Variants in ST14 observed in about 807,000 individuals in gnomAD.
ST14 encodes the protein suppressor of tumorigenicity 14 protein.
ST14 carries 40 observed loss-of-function variants against 96.5 expected under a neutral mutation model. That is an observed-to-expected ratio of 0.41 (90% CI 0.32 to 0.54). The LOEUF is 0.54. Among genes scored for constraint, ST14 ranks in the 20% least tolerant of loss-of-function variants. The pLI is 0.17. For missense variants in ST14, 1,066 were observed against 1,188.9 expected, an observed-to-expected ratio of 0.90 and a Z score of 1.52; for synonymous variants, 506 against 492.1, an observed-to-expected ratio of 1.03 and a Z score of -0.37.
At position 130,181,597 on chromosome 11, in the gene ST14, A is replaced by G. The variant is rs536095933; in HGVS notation, c.82-6517A>G. ...CCCAGTAGAGAGGTGTTATGCCTAC[A>G]GTTGTCTAAGTGTCTAAGTGGATGG... On this transcript the variant is annotated intron_variant, in intron 1 of 18. Transcript: ENST00000278742. This position sits in a 1 kb window ranked among gnomAD's most constrained non-coding sequence, Gnocchi z 4.1. 1.3e-5 allele frequency among the ~76,000 whole-genome samples: 2 copies of G among 152,322 alleles called. No homozygotes were observed. The highest frequency in any genetic ancestry group is 4.8e-5 in the African/African-American group (2 of 41,568).
intron 7 of ST14, 39 bp from the exon 8 acceptor site, chr11:130,194,110 C>G (rs1460263977): frequency 1.9e-6 from 3 of 1,614,054 alleles, no homozygotes; most frequent in Non-Finnish European, 2.5e-6. Flanking sequence ...AGCTTGGGTT[C>G]TGTCTGCTCT....
At chr11:130,190,378 A>C (rs1953284380) in intron 6 of ST14, 76 bp from the exon 7 acceptor site, 2 of 1,593,310 alleles carry the variant, frequency 1.3e-6, no homozygotes, top group African/African-American at 1.3e-5. Context: ...GTCCACACCC[A>C]CGGGGTCTCA....
chr11:130,200,216 C>A (rs117266705), intron 16 of ST14, 79 bp downstream of exon 16: 26 of 1,546,448 alleles, frequency 1.7e-5, no homozygotes, highest in Admixed American at 1.3e-4. Flanking sequence ...AGGTTGGCAC[C>A]GAGGCAGGGC....
At chr11:130,168,909 C>T (rs1953064106) in intron 1 of ST14, among the ~76,000 whole-genome samples, 1 of 151,990 alleles carries the variant, frequency 6.6e-6, no homozygotes, top group South Asian at 2.1e-4. Context: ...TTCTGCAGAT[C>T]CCTGGGTCCA....
intron 1 of ST14, among the ~76,000 whole-genome samples, chr11:130,160,791 G>T (rs536693272): frequency 1.3e-5 from 2 of 152,306 alleles, no homozygotes; most frequent in African/African-American, 4.8e-5. Flanking sequence ...GGGATGGGTC[G>T]CTAGTCACTT....
chr11:130,201,342 T>C (rs1159929077), intron 16 of ST14, among the ~76,000 whole-genome samples: 2 of 152,246 alleles, frequency 1.3e-5, no homozygotes, highest in Non-Finnish European at 2.9e-5. Flanking sequence ...GGGGATGCGC[T>C]TTCTGCTGGC....
intron 16 of ST14, among the ~76,000 whole-genome samples, chr11:130,206,648 A>G (rs1953492870): frequency 6.7e-6 from 1 of 150,224 alleles, no homozygotes; most frequent in Non-Finnish European, 1.5e-5. Context: ...GCTCACTGCA[A>G]CCTCTGCCTC....
chr11:130,170,855 T>C (rs75405909), intron 1 of ST14, among the ~76,000 whole-genome samples: 2 of 146,856 alleles, frequency 1.4e-5, no homozygotes, highest in East Asian at 3.9e-4. Flanking sequence ...AGAGTGTTCC[T>C]TTTTTTTTTG....
Position 130,188,290 on chromosome 11 carries a change from C to T in ST14, c.241+17C>T. ...ATTTGCAGTGTGAGTAAAGCTGGGG[C>T]TGGCTCCGGGGAGGACGACAAGGGG... On this transcript the variant is annotated intron_variant, in intron 2 of 18. Transcript: ENST00000278742. The surrounding 1 kb of genome is among the most constrained non-coding windows in gnomAD (Gnocchi z 5.4). The T allele has an allele frequency of 6.2e-7, 1 of 1,609,194 alleles. No homozygotes were observed. Among genetic ancestry groups the T allele is most frequent in the South Asian group, 1.1e-5 (1 of 90,534 alleles).
Position 130,194,291 on chromosome 11 carries a change from A to G in ST14, c.1015+3A>G, listed in dbSNP as rs759654770. 5.0e-6 allele frequency: 8 copies of G among 1,614,138 alleles called. No individual in the cohort carries two copies. The highest frequency in any genetic ancestry group is 6.8e-6 in the Non-Finnish European group (8 of 1,180,024). ...CTTCCAGCTGCCTAGGATGAGCAGT[A>G]AGGAAGGGCAGGGCAGGGCGGGACT... On this transcript the variant is annotated splice_donor_region_variant and intron_variant, in intron 8 of 18. Transcript: ENST00000278742.
Position 130,190,158 on chromosome 11 carries a change from G to A in ST14, c.634+10G>A, listed in dbSNP as rs913217695. On this transcript the variant is annotated intron_variant, in intron 6 of 18. Transcript: ENST00000278742. ...CAGAGGACCCAGGACAGTAAGTATC[G>A]TGCCCGCCTCCTCTTCTGGGTGGGG... The A allele has an allele frequency of 7.4e-6, 12 of 1,614,058 alleles. No individual in the cohort carries two copies. Among genetic ancestry groups the A allele is most frequent in the Non-Finnish European group, 1.0e-5 (12 of 1,180,030 alleles).
intron 1 of ST14, 86 bp downstream of exon 1, chr11:130,160,146 T>G: frequency 1.0e-6 from 1 of 956,586 alleles, no homozygotes; most frequent in Non-Finnish European, 1.4e-6. Flanking sequence ...CCGGCTCCCC[T>G]GGCGTGTCCG....
intron 1 of ST14, among the ~76,000 whole-genome samples, chr11:130,184,484 C>T (rs1953220033): frequency 6.6e-6 from 1 of 152,172 alleles, no homozygotes; most frequent in Non-Finnish European, 1.5e-5. Flanking sequence ...GTCTTTCTCA[C>T]CATTCACTGA....
intron 1 of ST14, among the ~76,000 whole-genome samples, chr11:130,172,413 T>A (rs1953100741): frequency 2.0e-5 from 2 of 102,262 alleles, no homozygotes; most frequent in Non-Finnish European, 3.8e-5. Context: ...GCTGTCTTCT[T>A]TTTTTTTTTT....
intron 1 of ST14, among the ~76,000 whole-genome samples, chr11:130,175,717 G>A (rs1006500669): frequency 6.6e-6 from 1 of 151,068 alleles, no homozygotes; most frequent in Non-Finnish European, 1.5e-5. Context: ...AGGCTGGAGT[G>A]CAATGGTGCG....
intron 1 of ST14, among the ~76,000 whole-genome samples, chr11:130,166,379 C>T (rs781686981): frequency 7.2e-5 from 11 of 152,082 alleles, no homozygotes; most frequent in Non-Finnish European, 1.5e-4. Flanking sequence ...GTTGGAGGAT[C>T]GAAGTTCTGG....
At chr11:130,166,279 T>C (rs1344979144) in intron 1 of ST14, among the ~76,000 whole-genome samples, 5 of 152,206 alleles carry the variant, frequency 3.3e-5, no homozygotes, top group African/African-American at 4.8e-5. Flanking sequence ...TATGGTTCAA[T>C]GTGTCTAGTT....
intron 16 of ST14, among the ~76,000 whole-genome samples, chr11:130,203,171 C>T (rs7949948): frequency 0.041 from 6,218 of 152,126 alleles, 161 homozygotes; most frequent in Middle Eastern, 0.086. Context: ...GGTGGAAACC[C>T]GCAGGCACAG....
At chr11:130,175,754 C>T (rs572991761) in intron 1 of ST14, among the ~76,000 whole-genome samples, 2 of 151,930 alleles carry the variant, frequency 1.3e-5, no homozygotes, top group South Asian at 4.2e-4. Context: ...ACCTCCACCC[C>T]CTGGGTTCAA....
Sources: allele counts gnomAD v4.1 joint callset (sites outside exome capture counted in the v4.1 genomes callset), GRCh38; gene constraint gnomAD v4.1.1; non-coding constraint Gnocchi (gnomAD v3.1); transcripts MANE v1.5; gene names NCBI Gene and HGNC (gene_info 2026-07-23, HGNC 2026-07-21).